Variants in CDK14 observed in about 807,000 individuals in gnomAD.
The protein encoded by CDK14 is cyclin-dependent kinase 14.
In CDK14, 34 loss-of-function variants were observed where a neutral mutation model predicts 60.7. The observed-to-expected ratio is 0.56, with a 90% confidence interval of 0.43 to 0.75. The LOEUF (loss-of-function observed/expected upper bound fraction) is 0.75. CDK14 is among the 30% of genes least tolerant of loss of function. The pLI, the probability that CDK14 is intolerant of heterozygous loss-of-function variation, is 0.00. For synonymous variants in CDK14, 197 were observed against 203.7 expected (o/e 0.97, Z 0.28); for missense variants, 482 against 564.1 (o/e 0.85, Z 1.47).
chr7:91,112,669 G>A lies in CDK14; in HGVS notation c.1282G>A (p.Glu428Lys). 4 of 1,613,546 alleles carry A rather than the reference G, an allele frequency of 2.5e-6. No homozygotes were observed. The highest frequency in any genetic ancestry group is 2.5e-6 in the Non-Finnish European group (3 of 1,179,808). ...YFSDLPPRLWELTDMSSIFTV... is the reference protein window; with the variant it reads ...YFSDLPPRLWKLTDMSSIFTV... ...TAGTGACCTGCCGCCACGGCTATGGGAACTCACCGACAGTGAGTATGACAA... is the reference window on the plus strand; with the variant it reads ...TAGTGACCTGCCGCCACGGCTATGGAAACTCACCGACAGTGAGTATGACAA... Residue 428 changes from glutamate to lysine, a missense_variant, in exon 13 of 15, where the codon GAA (glutamate) becomes AAA (lysine). Transcript: ENST00000380050.
intron 4 of CDK14, among the ~76,000 whole-genome samples, chr7:90,784,789 A>T (rs748929483): frequency 1.7e-4 from 26 of 152,336 alleles, no homozygotes; most frequent in Non-Finnish European, 2.9e-4. Context: ...ATCAGAATTG[A>T]ATTTAGATGA....
At chr7:90,640,208 G>A (rs1024258702) in intron 2 of CDK14, among the ~76,000 whole-genome samples, 4 of 152,104 alleles carry the variant, frequency 2.6e-5, no homozygotes, top group African/African-American at 9.7e-5. Context: ...CCCGTCTTCT[G>A]CGTGGCTCAC....
At chr7:90,663,280 C>T (rs1050651510) in intron 2 of CDK14, among the ~76,000 whole-genome samples, 1 of 152,196 alleles carries the variant, frequency 6.6e-6, no homozygotes, top group Non-Finnish European at 1.5e-5. Context: ...CACTCTCTCT[C>T]AGAAATTGAG....
chr7:90,821,986 C>G (rs1789568315), intron 5 of CDK14, among the ~76,000 whole-genome samples: 1 of 152,242 alleles, frequency 6.6e-6, no homozygotes, highest in Admixed American at 6.5e-5. Flanking sequence ...CCCCTCTTCT[C>G]TAAGTCTTCT....
chr7:90,909,691 A>G (rs1792828843), intron 7 of CDK14, among the ~76,000 whole-genome samples: 1 of 152,110 alleles, frequency 6.6e-6, no homozygotes, highest in Admixed American at 6.6e-5. Flanking sequence ...TGTGGAATGG[A>G]AGGCCAACTT....
chr7:90,938,032 G>T (rs958297944), intron 8 of CDK14, among the ~76,000 whole-genome samples: 2 of 152,176 alleles, frequency 1.3e-5, no homozygotes, highest in Admixed American at 6.5e-5. Context: ...TAGTTGCAAA[G>T]AGATCATGAA....
At chr7:90,780,781 T>A (rs1805283027) in intron 4 of CDK14, among the ~76,000 whole-genome samples, 1 of 152,076 alleles carries the variant, frequency 6.6e-6, no homozygotes, top group African/African-American at 2.4e-5. Context: ...ATGTGCCACA[T>A]TTTCTTAATC....
chr7:91,049,524 A>G (rs1243789001), intron 11 of CDK14, among the ~76,000 whole-genome samples: 2 of 152,188 alleles, frequency 1.3e-5, no homozygotes, highest in Admixed American at 1.3e-4. Flanking sequence ...GCCTGACCAC[A>G]ATTTTTTTAA....
At chr7:90,876,094 A>G (rs772658951) in intron 6 of CDK14, among the ~76,000 whole-genome samples, 1 of 152,172 alleles carries the variant, frequency 6.6e-6, no homozygotes, top group Non-Finnish European at 1.5e-5. Flanking sequence ...TAGCTGGTAC[A>G]GAAGCAATAT....
intron 5 of CDK14, among the ~76,000 whole-genome samples, chr7:90,810,486 C>G (rs1359919377): frequency 1.3e-5 from 2 of 152,134 alleles, no homozygotes; most frequent in Non-Finnish European, 1.5e-5. Context: ...ATAATAAGAG[C>G]TATCTATGAC....
intron 2 of CDK14, among the ~76,000 whole-genome samples, chr7:90,674,981 G>A (rs888997825): frequency 3.3e-5 from 5 of 152,156 alleles, no homozygotes; most frequent in East Asian, 1.9e-4. Flanking sequence ...TCCCCAAATC[G>A]TCAATTTCAG....
intron 5 of CDK14, among the ~76,000 whole-genome samples, chr7:90,847,071 G>A (rs966190330): frequency 6.6e-6 from 1 of 152,164 alleles, no homozygotes; most frequent in Non-Finnish European, 1.5e-5. Flanking sequence ...ACTTAGGGAA[G>A]GAGGGTTTGT....
chr7:90,896,957 G>A (rs940959961), intron 6 of CDK14, among the ~76,000 whole-genome samples: 2 of 152,258 alleles, frequency 1.3e-5, no homozygotes, highest in Admixed American at 6.5e-5. Context: ...TGTAGCATGA[G>A]TTTATTGGGC....
chr7:90,792,093 G>C (rs1186014885), intron 5 of CDK14, among the ~76,000 whole-genome samples: 1 of 151,770 alleles, frequency 6.6e-6, no homozygotes, highest in Non-Finnish European at 1.5e-5. Context: ...GTAGAGATGG[G>C]GTTTCACCGT....
At chr7:90,806,016 A>G (rs1788813743) in intron 5 of CDK14, among the ~76,000 whole-genome samples, 2 of 152,230 alleles carry the variant, frequency 1.3e-5, no homozygotes. Context: ...TTGATTTTTA[A>G]TAAGTTGCAA....
intron 7 of CDK14, among the ~76,000 whole-genome samples, chr7:90,912,724 C>T (rs1021405015): frequency 2.0e-5 from 3 of 152,162 alleles, no homozygotes; most frequent in Non-Finnish European, 2.9e-5. Flanking sequence ...CTTCCCACCT[C>T]AGCCTCCCAA....
intron 8 of CDK14, among the ~76,000 whole-genome samples, chr7:90,921,182 C>A (rs139272269): frequency 6.6e-6 from 1 of 152,178 alleles, no homozygotes; most frequent in Non-Finnish European, 1.5e-5. Context: ...TTTTATAGCC[C>A]GTGTCCTCAC....
At chr7:90,778,069 C>T (rs757210270) in intron 4 of CDK14, among the ~76,000 whole-genome samples, 2 of 152,164 alleles carry the variant, frequency 1.3e-5, no homozygotes, top group Non-Finnish European at 2.9e-5. Context: ...CTCTTGCAGT[C>T]CCCCAAGTAA....
chr7:90,794,378 C>T (rs998081361), intron 5 of CDK14, among the ~76,000 whole-genome samples: 2 of 152,098 alleles, frequency 1.3e-5, no homozygotes. Context: ...CGGGAATTTC[C>T]TCATCCTAAT....
Sources: gnomAD v4.1 joint callset for allele counts (sites outside exome capture counted in the v4.1 genomes callset) on GRCh38, gnomAD v4.1.1 for gene constraint, MANE v1.5 for transcripts, NCBI Gene and HGNC (gene_info 2026-07-23, HGNC 2026-07-21) for gene names.